The following CCDC174 variants were observed in gnomAD, a reference collection of about 807,000 sequenced individuals.
CCDC174 encodes the protein coiled-coil domain-containing protein 174.
Under a neutral mutation model 57.1 loss-of-function variants are expected in CCDC174, and 37 were observed. That is an observed-to-expected ratio of 0.65 (90% confidence interval 0.50 to 0.85). CCDC174 has a LOEUF of 0.85. CCDC174 is among the 40% of genes least tolerant of loss of function. The pLI, the probability that CCDC174 is intolerant of heterozygous loss-of-function variation, is 0.00. For missense variants in CCDC174, 540 were observed against 574.3 expected, an observed-to-expected ratio of 0.94 and a Z score of 0.61; for synonymous variants, 182 against 190.2, an observed-to-expected ratio of 0.96 and a Z score of 0.35.
chr3:14,661,390 T>TA (rs2031129603), intron 4 of CCDC174, 140 bp from the exon 5 acceptor site: 1 of 668,496 alleles, frequency 1.5e-6, no homozygotes, highest in Non-Finnish European at 2.6e-6. Context: ...TGTGTCTTTG[T>TA]AAACATTTGG....
intron 1 of CCDC174, 127 bp from the exon 2 acceptor site, chr3:14,654,299 T>C: frequency 1.6e-6 from 1 of 644,476 alleles, no homozygotes; most frequent in African/African-American, 1.9e-5. Context: ...ACTTAAACAT[T>C]TAGTTTTTTA....
At chr3:14,658,805 G>C (rs2031037709) in intron 3 of CCDC174, 66 bp from the exon 4 acceptor site, 1 of 1,486,052 alleles carries the variant, frequency 6.7e-7, no homozygotes, top group African/African-American at 1.4e-5. Flanking sequence ...CAGGCAGGGA[G>C]TGTGGGGGCA....
At chr3:14,656,354 A>G (rs2030960815) in intron 3 of CCDC174, among the ~76,000 whole-genome samples, 1 of 152,220 alleles carries the variant, frequency 6.6e-6, no homozygotes, top group Admixed American at 6.5e-5. Flanking sequence ...TCTTTAATCT[A>G]GAACTGTTCC....
chr3:14,671,404 C>CAGCCGATGGACCA lies in CCDC174; in HGVS notation c.*210_*211insAGCCGATGGACCA. The CAGCCGATGGACCA allele has an allele frequency of 1.8e-6, 1 of 549,164 alleles. No homozygotes were observed. Among genetic ancestry groups the CAGCCGATGGACCA allele is most frequent in the Non-Finnish European group, 3.2e-6 (1 of 311,238 alleles). 34.0% of individuals were successfully genotyped at this position (549,164 alleles called of 1,614,324 possible). On this transcript the variant is annotated 3_prime_UTR_variant, in exon 11 of 11. Coordinates refer to ENST00000383794, the MANE Select transcript of CCDC174 (RefSeq NM_016474.5). The stretch of plus-strand genomic sequence containing the variant: ...TATTCTAAGTGGGATAGGGACATAC[C>CAGCCGATGGACCA]TACCTGGATTTACATGTGAGCTGCG...
intron 5 of CCDC174, among the ~76,000 whole-genome samples, chr3:14,663,687 T>C (rs2031225600): frequency 6.7e-6 from 1 of 149,076 alleles, no homozygotes; most frequent in South Asian, 2.1e-4. Flanking sequence ...TTGGAGGCCT[T>C]CTCCAGAAAC....
At position 14,671,307 on chromosome 3, in the gene CCDC174, G is replaced by A; in HGVS notation, c.*113G>A. ...CTTTGTCCTGTCCTTTCCCTAGGAGGCACAGACTTCGGGTTGGATTTGTCA... is the reference window on the plus strand; with the variant it reads ...CTTTGTCCTGTCCTTTCCCTAGGAGACACAGACTTCGGGTTGGATTTGTCA... On this transcript the variant is annotated 3_prime_UTR_variant, in exon 11 of 11. Coordinates refer to ENST00000383794, the MANE Select transcript of CCDC174 (RefSeq NM_016474.5). The A allele has an allele frequency of 1.8e-6, 2 of 1,138,420 alleles. No homozygotes were observed. The highest frequency in any genetic ancestry group is 2.5e-6 in the Non-Finnish European group (2 of 809,902). The allele number at this position is 1,138,420 out of a possible 1,614,324, so 70.5% of individuals were successfully genotyped here.
chr3:14,671,504 C>T lies in CCDC174; in HGVS notation c.*310C>T, dbSNP rs888300843. On this transcript the variant is annotated 3_prime_UTR_variant, in exon 11 of 11. Coordinates refer to ENST00000383794, the MANE Select transcript of CCDC174 (RefSeq NM_016474.5). ...TAACCCTGTTTCATATCTACTCCCA[C>T]GACTTACTCATATTTAAGGGTTCTT... The T allele has an allele frequency of 2.6e-5, 7 of 264,470 alleles. No individual in the cohort carries two copies. Among genetic ancestry groups the T allele is most frequent in the Middle Eastern group, 1.1e-3 (1 of 892 alleles). 16.4% of individuals were successfully genotyped at this position (264,470 alleles called of 1,614,324 possible).
At position 14,671,600 on chromosome 3, in the gene CCDC174, T is replaced by C. The variant is rs2031515151; in HGVS notation, c.*406T>C. ...AGGGTTCAGCTTCCAGATCAGCCGA[T>C]GGACCATAGGTCACGAGGAATTTCT... On this transcript the variant is annotated 3_prime_UTR_variant, in exon 11 of 11. Transcript: ENST00000383794. The C allele has an allele frequency of 6.2e-6, 1 of 161,360 alleles. No homozygotes were observed. Among genetic ancestry groups the C allele is most frequent in the Admixed American group, 6.2e-5 (1 of 16,084 alleles). The allele number at this position is 161,360 out of a possible 1,614,324, so 10.0% of individuals were successfully genotyped here.
chr3:14,668,136 A>T lies in CCDC174; in HGVS notation c.907A>T (p.Lys303Ter). The T allele has an allele frequency of 6.2e-7, 1 of 1,612,040 alleles. No individual in the cohort carries two copies. The highest frequency in any genetic ancestry group is 2.2e-5 in the East Asian group (1 of 44,750). Residue 303 changes from lysine (K) to a stop codon, truncating the protein, a stop_gained, in exon 9 of 11, where the codon AAG (lysine) becomes TAG (stop). Coordinates refer to ENST00000383794, the MANE Select transcript of CCDC174 (RefSeq NM_016474.5). LOFTEE classifies it high-confidence loss of function. The stretch of plus-strand genomic sequence containing the variant: ...AAGACTTGCCAAACTTCGACAAAAA[A>T]AGATGAAAAAATCAAAAGAAGGTGG... ...EARLAKLRQK[K>*]MKKSKEGGTE... is the part of the protein sequence containing the mutation.
Position 14,671,061 on chromosome 3 carries a change from G to T in CCDC174, c.1271G>T (p.Cys424Phe). The change falls in exon 11 of 11, where the codon TGC becomes TTC. Residue 424 changes from cysteine to phenylalanine, a missense_variant. Cys to Phe is a radical substitution (Grantham distance 205, BLOSUM62 -2). Coordinates refer to ENST00000383794, the MANE Select transcript of CCDC174 (RefSeq NM_016474.5). ...CCAGCACAGAGTGACCCAGGGCAGT[G>T]CCCTGACCAGAGCCACGGACCTAGC... ...PGPAQSDPGQ[C>F]PDQSHGPSPE... The T allele has an allele frequency of 3.1e-6, 5 of 1,614,146 alleles. No homozygotes were observed. Among genetic ancestry groups the T allele is most frequent in the African/African-American group, 1.3e-5 (1 of 75,018 alleles).
rs748268346 is a variant in CCDC174, at chr3:14,654,448, T to G, written c.65T>G (p.Leu22Arg). The part of the protein sequence containing the change: ...ASSLVDLKAE[L>R]FRKQEEFKQE... The stretch of plus-strand genomic sequence containing the variant: ...TAGTTGGTAGATCTTAAGGCTGAAC[T>G]CTTCCGAAAGCAAGAAGAATTCAAA... The change falls in exon 2 of 11, where the codon CTC (leucine) becomes CGC (arginine). Residue 22 changes from leucine to arginine, a missense_variant. Transcript: ENST00000383794. 6.2e-7 allele frequency: 1 copy of G among 1,605,698 alleles called. No homozygotes were observed. The highest frequency in any genetic ancestry group is 1.7e-5 in the Admixed American group (1 of 58,754).
chr3:14,655,579 G>C lies in CCDC174; in HGVS notation c.198G>C (p.Glu66Asp). ...ATGTAGGCGTTTCAAATCGAGCTGA[G>C]AAGGATGCTGAACAGAAGATTGAAG... ...KQNVGVSNRA[E>D]KDAEQKIEEQ... The change falls in exon 3 of 11, where the codon GAG becomes GAC. Residue 66 changes from glutamate to aspartate, a missense_variant. Coordinates refer to ENST00000383794, the MANE Select transcript of CCDC174 (RefSeq NM_016474.5). 3 of 1,610,668 alleles carry C rather than the reference G, an allele frequency of 1.9e-6. No individual in the cohort carries two copies. The highest frequency in any genetic ancestry group is 2.5e-6 in the Non-Finnish European group (3 of 1,178,204).
At position 14,651,823 on chromosome 3, in the gene CCDC174, C is replaced by T. The variant is rs768594013; in HGVS notation, c.-14C>T. On this transcript the variant is annotated 5_prime_UTR_variant, in exon 1 of 11. Coordinates refer to ENST00000383794, the MANE Select transcript of CCDC174 (RefSeq NM_016474.5). ...GAAAGGGTCCTTCCTGGACCGGGAC[C>T]CTCTGCCACGACCATGGACCGTAGG... The T allele has an allele frequency of 6.2e-7, 1 of 1,614,106 alleles. No individual in the cohort carries two copies. The highest frequency in any genetic ancestry group is 8.5e-7 in the Non-Finnish European group (1 of 1,179,968).
intron 7 of CCDC174, 75 bp from the exon 8 acceptor site, chr3:14,667,349 G>T: frequency 1.8e-6 from 2 of 1,081,874 alleles, no homozygotes; most frequent in Admixed American, 3.8e-5. Context: ...TTTTTGCTTT[G>T]GTAGGAAATG....
At chr3:14,665,969 C>T (rs1276876743) in intron 6 of CCDC174, among the ~76,000 whole-genome samples, 2 of 143,674 alleles carry the variant, frequency 1.4e-5, no homozygotes, top group Admixed American at 7.3e-5. Context: ...ACCCAGGAGG[C>T]AGAGCCTGCA....
At position 14,667,431 on chromosome 3, in the gene CCDC174, G is replaced by A. The variant is rs2031378539; in HGVS notation, c.732G>A (p.Arg244=). The change falls in exon 8 of 11, where the codon CGG becomes CGA. Residue 244 remains arginine (R), a synonymous_variant. Transcript: ENST00000383794. ...AATTCATACTTCTTTCAGAGGCCCG[G>A]CAACTTGGTGTTGGGTATTTTGCCT... is the stretch of plus-strand genomic sequence containing the variant. ...HYEDIRENEA[R]QLGVGYFAFA... is the part of the protein sequence containing the mutation. The A allele has an allele frequency of 1.2e-6, 2 of 1,613,802 alleles. No homozygotes were observed. The highest frequency in any genetic ancestry group is 4.5e-5 in the East Asian group (2 of 44,840).
intron 3 of CCDC174, among the ~76,000 whole-genome samples, chr3:14,656,365 C>T (rs2030961327): frequency 6.6e-6 from 1 of 152,124 alleles, no homozygotes; most frequent in Non-Finnish European, 1.5e-5. Flanking sequence ...GAACTGTTCC[C>T]TTGCCTTTTG....
At chr3:14,666,053 A>G (rs1346876867) in intron 6 of CCDC174, among the ~76,000 whole-genome samples, 3 of 149,544 alleles carry the variant, frequency 2.0e-5, no homozygotes, top group East Asian at 2.0e-4. Flanking sequence ...AAAAAAAAAA[A>G]AAAAAAAGAA....
intron 5 of CCDC174, among the ~76,000 whole-genome samples, chr3:14,663,146 T>C (rs1370591696): frequency 6.6e-6 from 1 of 152,184 alleles, no homozygotes; most frequent in Non-Finnish European, 1.5e-5. Context: ...CTCGACCTCC[T>C]GGGCTGAAGC....
Sources: gnomAD v4.1 joint callset for allele counts (sites outside exome capture counted in the v4.1 genomes callset) on GRCh38, gnomAD v4.1.1 for gene constraint, MANE v1.5 for transcripts, NCBI Gene and HGNC (gene_info 2026-07-23, HGNC 2026-07-21) for gene names.